The following SNTG1 variants were observed in gnomAD, a reference collection of about 807,000 sequenced individuals.
SNTG1 encodes the protein gamma-1-syntrophin.
Under a neutral mutation model 74.7 loss-of-function variants are expected in SNTG1, and 39 were observed. That is an observed-to-expected ratio of 0.52 (90% confidence interval 0.40 to 0.68). SNTG1 has a LOEUF of 0.68. Among genes scored for constraint, SNTG1 ranks in the 30% least tolerant of loss-of-function variants. The pLI is 0.00. For missense variants in SNTG1, 685 were observed against 609.5 expected, an observed-to-expected ratio of 1.12 and a Z score of -1.30; for synonymous variants, 254 against 217.1, an observed-to-expected ratio of 1.17 and a Z score of -1.49.
chr8:50,201,724 G>A (rs554092103), intron 2 of SNTG1, among the ~76,000 whole-genome samples: 14 of 152,214 alleles, frequency 9.2e-5, no homozygotes, highest in African/African-American at 2.9e-4. Context: ...GCAAACATAA[G>A]TGTGTATATT....
At chr8:50,319,934 T>C (rs1446027887) in intron 2 of SNTG1, among the ~76,000 whole-genome samples, 2 of 152,238 alleles carry the variant, frequency 1.3e-5, no homozygotes, top group Non-Finnish European at 2.9e-5. Flanking sequence ...TTGAGGATAT[T>C]TGCATCAATA....
chr8:50,622,039 C>T (rs879623731), intron 13 of SNTG1, among the ~76,000 whole-genome samples: 8 of 152,164 alleles, frequency 5.3e-5, no homozygotes, highest in Admixed American at 2.0e-4. Flanking sequence ...CAGCAGTGCT[C>T]TTCCACCTGA....
chr8:50,221,435 A>T (rs952908678), intron 2 of SNTG1, among the ~76,000 whole-genome samples: 1 of 151,910 alleles, frequency 6.6e-6, no homozygotes, highest in African/African-American at 2.4e-5. Context: ...AAATATTAAT[A>T]AAAAATAGAA....
At chr8:50,036,153 G>C (rs1246220943) in intron 1 of SNTG1, among the ~76,000 whole-genome samples, 1 of 152,162 alleles carries the variant, frequency 6.6e-6, no homozygotes, top group Non-Finnish European at 1.5e-5. Context: ...GAATGCACAA[G>C]AATATGCATT....
chr8:50,085,351 T>C (rs2131108929), intron 1 of SNTG1, among the ~76,000 whole-genome samples: 1 of 152,330 alleles, frequency 6.6e-6, no homozygotes, highest in Middle Eastern at 3.4e-3. Context: ...TTCTTTCTTC[T>C]CTTCCTTCTA....
At chr8:49,983,812 G>C (rs2130184839) in intron 1 of SNTG1, among the ~76,000 whole-genome samples, 1 of 152,370 alleles carries the variant, frequency 6.6e-6, no homozygotes, top group Admixed American at 6.5e-5. Flanking sequence ...CCCGTTTAAA[G>C]TAAGAAGATA....
chr8:50,293,450 CCCAGG>C (rs1801218253), intron 2 of SNTG1, among the ~76,000 whole-genome samples: 1 of 151,078 alleles, frequency 6.6e-6, no homozygotes, highest in South Asian at 2.1e-4. Flanking sequence ...TGCTCTGCCA[CCCAGG>C]CTGGAGTGCA....
intron 3 of SNTG1, among the ~76,000 whole-genome samples, chr8:50,397,140 C>T (rs952239792): frequency 6.6e-6 from 1 of 152,110 alleles, no homozygotes; most frequent in African/African-American, 2.4e-5. Context: ...AATGAATCAT[C>T]CCTTTAAAAT....
intron 17 of SNTG1, among the ~76,000 whole-genome samples, chr8:50,712,325 G>A (rs2095463953): frequency 6.6e-6 from 1 of 152,182 alleles, no homozygotes; most frequent in African/African-American, 2.4e-5. Flanking sequence ...GAAATTGGAA[G>A]TGATTCTAAG....
At chr8:50,621,989 G>C (rs182271012) in intron 13 of SNTG1, among the ~76,000 whole-genome samples, 1 of 152,100 alleles carries the variant, frequency 6.6e-6, no homozygotes, top group African/African-American at 2.4e-5. Context: ...AATGCACTGA[G>C]GGTTCTCATT....
At chr8:50,585,009 C>T (rs1314259717) in intron 12 of SNTG1, among the ~76,000 whole-genome samples, 1 of 152,094 alleles carries the variant, frequency 6.6e-6, no homozygotes, top group Non-Finnish European at 1.5e-5. Flanking sequence ...GAAGAAGGGG[C>T]AGGCATTGGC....
intron 1 of SNTG1, among the ~76,000 whole-genome samples, chr8:50,150,134 T>C (rs1192081909): frequency 6.6e-6 from 1 of 152,146 alleles, no homozygotes; most frequent in African/African-American, 2.4e-5. Context: ...GATTCCTAGG[T>C]ATTTTATTCT....
At position 50,796,519 on chromosome 8, in the gene SNTG1, T is replaced by A. The variant is rs956716325; in HGVS notation, c.*3690T>A. On this transcript the variant is annotated 3_prime_UTR_variant, in exon 19 of 19. Coordinates refer to ENST00000642720, the MANE Select transcript of SNTG1 (RefSeq NM_018967.5). ...GTGAAAAGACAAGAAATATAAAATG[T>A]AAATATATTTATTTCATTTTTAATT... 1 of 151,954 alleles carries A rather than the reference T, an allele frequency of 6.6e-6. No homozygotes were observed. Among genetic ancestry groups the A allele is most frequent in the African/African-American group, 2.4e-5 (1 of 41,454 alleles). 9.4% of individuals were successfully genotyped at this position (151,954 alleles called of 1,614,324 possible).
intron 18 of SNTG1, among the ~76,000 whole-genome samples, chr8:50,765,212 G>T (rs558309094): frequency 6.6e-6 from 1 of 152,170 alleles, no homozygotes; most frequent in East Asian, 1.9e-4. Flanking sequence ...CTGGGCCTTT[G>T]CAGGCATGAG....
At chr8:50,399,949 G>GT (rs2092780334) in intron 3 of SNTG1, among the ~76,000 whole-genome samples, 1 of 152,060 alleles carries the variant, frequency 6.6e-6, no homozygotes, top group African/African-American at 2.4e-5. Context: ...AAAAGCTTCT[G>GT]TTTTTCCTAA....
intron 1 of SNTG1, among the ~76,000 whole-genome samples, chr8:50,082,226 C>T (rs1822476784): frequency 6.6e-6 from 1 of 152,042 alleles, no homozygotes; most frequent in Non-Finnish European, 1.5e-5. Flanking sequence ...TTTATAATAG[C>T]TGCCTTGAAG....
chr8:50,415,953 G>A (rs1285303667), intron 4 of SNTG1, among the ~76,000 whole-genome samples: 1 of 152,144 alleles, frequency 6.6e-6, no homozygotes, highest in Non-Finnish European at 1.5e-5. Flanking sequence ...TGATTATGAT[G>A]AGAGAGTAAA....
chr8:50,118,323 T>C (rs747001862), intron 1 of SNTG1, among the ~76,000 whole-genome samples: 1 of 152,268 alleles, frequency 6.6e-6, no homozygotes, highest in Admixed American at 6.5e-5. Flanking sequence ...AAAAATTACA[T>C]GTACCATGAT....
At chr8:50,173,012 A>G (rs2082865821) in intron 2 of SNTG1, among the ~76,000 whole-genome samples, 1 of 80,124 alleles carries the variant, frequency 1.2e-5, no homozygotes, top group Non-Finnish European at 3.0e-5. Context: ...CTTCATGAAG[A>G]TGGTAACTGG....
Sources: gnomAD v4.1 joint callset for allele counts (sites outside exome capture counted in the v4.1 genomes callset) on GRCh38, gnomAD v4.1.1 for gene constraint, MANE v1.5 for transcripts, NCBI Gene and HGNC (gene_info 2026-07-23, HGNC 2026-07-21) for gene names.